ZNF83: variants seen among roughly 807,000 people sequenced by gnomAD.
ZNF83 encodes zinc finger protein 816B.
For synonymous variants in ZNF83, 209 were observed against 213.0 expected (o/e 0.98, Z 0.17); for missense variants, 552 against 629.9 (o/e 0.88, Z 1.32).
intron 1 of ZNF83, among the ~76,000 whole-genome samples, chr19:52,683,971 C>T (rs2061971209): frequency 6.6e-6 from 1 of 152,094 alleles, no homozygotes; most frequent in Admixed American, 6.6e-5. Flanking sequence ...CAGTGACTCC[C>T]GTCTGCAATT....
Position 52,687,590 on chromosome 19 carries a change from AT to A in ZNF83, c.-283+2852del, listed in dbSNP as rs2062057345. ...ATATATATAAATTTTATATATATAT[AT>A]ATATAATGTATATATATATAATGTG... On this transcript the variant is annotated intron_variant, in intron 1 of 5. Transcript: ENST00000594682. Among the ~76,000 whole-genome samples, 3 of 37,750 alleles carry A rather than the reference AT, an allele frequency of 7.9e-5. No homozygotes were observed. The African/African-American group carries it at 8.4e-4, about 11-fold the overall frequency. 24.8% of individuals were successfully genotyped at this position (37,750 alleles called of 152,430 possible).
chr19:52,636,724 C>A (rs1158863296), intron 1 of ZNF83: 2 of 152,096 alleles, frequency 1.3e-5, no homozygotes, highest in South Asian at 4.2e-4. Flanking sequence ...GACATGATCT[C>A]GGCTCACTGC....
chr19:52,659,642 A>C (rs984870589), intron 2 of ZNF83, among the ~76,000 whole-genome samples: 2 of 149,588 alleles, frequency 1.3e-5, no homozygotes, highest in Non-Finnish European at 3.0e-5. Flanking sequence ...ACCAGAAGTC[A>C]CAGAAGTGAG....
At chr19:52,633,819 C>T (rs999895308) in intron 2 of ZNF83, among the ~76,000 whole-genome samples, 5 of 151,136 alleles carry the variant, frequency 3.3e-5, no homozygotes, top group East Asian at 2.0e-4. Context: ...CTGAGGAAGG[C>T]GAATCACTTG....
At chr19:52,614,360 G>C (rs1394460858) in exon 3 of ZNF83, 1 of 1,612,794 alleles carries the variant, frequency 6.2e-7, no homozygotes, top group Non-Finnish European at 8.5e-7. Flanking sequence ...TCATATGTAT[G>C]AGAAATGTGG....
chr19:52,665,552 T>C (rs1057029443), intron 1 of ZNF83, among the ~76,000 whole-genome samples: 2 of 152,238 alleles, frequency 1.3e-5, no homozygotes, highest in Non-Finnish European at 2.9e-5. Context: ...TGTGTCAGTA[T>C]GTGCAATTAT....
At chr19:52,660,227 A>G (rs1325941817) in intron 2 of ZNF83, among the ~76,000 whole-genome samples, 1 of 152,182 alleles carries the variant, frequency 6.6e-6, no homozygotes, top group Non-Finnish European at 1.5e-5. Context: ...AGCTGGGGGT[A>G]GGGATGGAAT....
At chr19:52,684,134 C>T (rs891598670) in intron 1 of ZNF83, among the ~76,000 whole-genome samples, 5 of 151,942 alleles carry the variant, frequency 3.3e-5, no homozygotes, top group Non-Finnish European at 7.4e-5. Context: ...TCTGGGAGGC[C>T]GAGGCTGGTG....
intron 3 of ZNF83, among the ~76,000 whole-genome samples, chr19:52,646,325 C>A (rs1224039221): frequency 2.0e-5 from 3 of 152,058 alleles, no homozygotes; most frequent in Non-Finnish European, 2.9e-5. Context: ...CAGGAAGATC[C>A]TTTGCATCAA....
At chr19:52,612,997 C>A in exon 3 of ZNF83, 1 of 1,558,132 alleles carries the variant, frequency 6.4e-7, no homozygotes, top group East Asian at 2.2e-5. Flanking sequence ...TTAATGCTAA[C>A]TGAACACTCT....
chr19:52,639,415 ATTTTT>A (rs1160711365), upstream of ZNF83, among the ~76,000 whole-genome samples: 4 of 86,310 alleles, frequency 4.6e-5, no homozygotes, highest in South Asian at 4.4e-4. Context: ...AGTTTTTTCT[ATTTTT>A]TTTTTTTTTT....
chr19:52,623,464 T>C (rs1001989613), intron 2 of ZNF83, among the ~76,000 whole-genome samples: 1 of 152,186 alleles, frequency 6.6e-6, no homozygotes, highest in African/African-American at 2.4e-5. Flanking sequence ...TATTCTTTTA[T>C]GCACTCCTTT....
intron 2 of ZNF83, among the ~76,000 whole-genome samples, chr19:52,657,961 ACT>A (rs2061528751): frequency 6.6e-6 from 1 of 151,684 alleles, no homozygotes; most frequent in African/African-American, 2.4e-5. Flanking sequence ...ACATAGAGAA[ACT>A]CTGTCTCTAC....
intron 1 of ZNF83, among the ~76,000 whole-genome samples, chr19:52,684,678 G>C (rs1451509725): frequency 6.6e-6 from 1 of 152,198 alleles, no homozygotes; most frequent in Non-Finnish European, 1.5e-5. Context: ...GGAGGGCATG[G>C]GAGACAGCTC....
intron 1 of ZNF83, among the ~76,000 whole-genome samples, chr19:52,685,077 A>C (rs1320545356): frequency 1.3e-5 from 2 of 151,976 alleles, no homozygotes; most frequent in Non-Finnish European, 2.9e-5. Context: ...GCTTTTCTTC[A>C]TTTTTGGGGT....
At chr19:52,620,114 T>C (rs1410763152) in intron 2 of ZNF83, among the ~76,000 whole-genome samples, 1 of 152,098 alleles carries the variant, frequency 6.6e-6, no homozygotes, top group African/African-American at 2.4e-5. Context: ...GTCCACAAAA[T>C]AATAAAATTT....
At chr19:52,663,214 G>T (rs867085486) in intron 1 of ZNF83, among the ~76,000 whole-genome samples, 1 of 152,138 alleles carries the variant, frequency 6.6e-6, no homozygotes, top group South Asian at 2.1e-4. Context: ...CTGAGCAAAA[G>T]AAATGTCTCT....
chr19:52,634,133 G>A (rs757634930), intron 2 of ZNF83, among the ~76,000 whole-genome samples: 8 of 151,658 alleles, frequency 5.3e-5, no homozygotes. Context: ...TTAGCCGGGT[G>A]TGGTGGCATG....
In ZNF83 at chr19:52,685,731, T is replaced by A. The variant is rs191736417; in HGVS notation, c.-283+4712A>T. 3.2e-3 allele frequency among the ~76,000 whole-genome samples: 488 copies of A among 151,946 alleles called. 2 individuals are homozygous for A. The highest frequency in any genetic ancestry group is 0.011 in the African/African-American group (468 of 41,468). On this transcript the variant is annotated intron_variant, in intron 1 of 5. Coordinates refer to the ZNF83 transcript ENST00000594682. The stretch of plus-strand genomic sequence containing the variant: ...GGCAAACATGGTGAAACCTTGTCTC[T>A]ACTAAAAATACAAAAAATGAGCCAG...
Sources: gnomAD v4.1 joint callset for allele counts (sites outside exome capture counted in the v4.1 genomes callset) on GRCh38, gnomAD v4.1.1 for gene constraint, MANE v1.5 for transcripts, NCBI Gene and HGNC (gene_info 2026-07-23, HGNC 2026-07-21) for gene names.